Variants in ADAT2 observed in about 807,000 individuals in gnomAD.
The protein encoded by ADAT2 is adenosine deaminase tRNA specific 2.
In ADAT2, 26 loss-of-function variants were observed where a neutral mutation model predicts 25.9. The ratio of observed to expected loss-of-function variants is 1.00; its 90% CI spans 0.74 to 1.39. ADAT2 has a LOEUF of 1.39. Among genes scored for constraint, ADAT2 ranks in the 40% most tolerant of loss-of-function variants. The pLI is 0.00. For missense variants in ADAT2, 220 were observed against 244.8 expected, an observed-to-expected ratio of 0.90 and a Z score of 0.68; for synonymous variants, 76 against 86.8, an observed-to-expected ratio of 0.88 and a Z score of 0.69.
At position 143,446,184 on chromosome 6, in the gene ADAT2, T is replaced by C. The variant is rs1779594973; in HGVS notation, c.96+4379A>G. Among the ~76,000 whole-genome samples, 1 of 152,028 alleles carries C rather than the reference T, an allele frequency of 6.6e-6. No homozygotes were observed. The highest frequency in any genetic ancestry group is 1.5e-5 in the Non-Finnish European group (1 of 67,992). On this transcript the variant is annotated intron_variant, in intron 1 of 5. Coordinates refer to ENST00000237283, the MANE Select transcript of ADAT2 (RefSeq NM_182503.3). The surrounding 1 kb of genome is among the most constrained non-coding windows in gnomAD (Gnocchi z 5.0). The stretch of plus-strand genomic sequence containing the variant: ...TTTTTTCCTATGCCCTGCATACACA[T>C]ATTTACAGTTTTTAAAAAGTCAAAT...
Position 143,442,031 on chromosome 6 carries a change from C to T in ADAT2, c.97-3337G>A, listed in dbSNP as rs986970786. ...GCTAAACATGCATTTAACTTATGACCCAACAATTCCACTCTTGGGCATTTA... is the reference window on the plus strand; with the variant it reads ...GCTAAACATGCATTTAACTTATGACTCAACAATTCCACTCTTGGGCATTTA... On this transcript the variant is annotated intron_variant, in intron 1 of 5. Transcript: ENST00000237283. This position sits in a 1 kb window ranked among gnomAD's most constrained non-coding sequence, Gnocchi z 4.6. 1 of 152,158 alleles carries T rather than the reference C, an allele frequency of 6.6e-6. No individual in the cohort carries two copies. Among genetic ancestry groups the T allele is most frequent in the Admixed American group, 6.5e-5 (1 of 15,276 alleles). The allele number at this position is 152,158 out of a possible 1,614,324, so 9.4% of individuals were successfully genotyped here. A position where few individuals can be genotyped will look rare whatever the true frequency, so the allele number is the denominator to read the frequency against.
intron 1 of ADAT2, 86 bp downstream of exon 1, chr6:143,450,477 G>A: frequency 7.0e-7 from 1 of 1,428,928 alleles, no homozygotes; most frequent in Non-Finnish European, 9.8e-7. Context: ...ATGGTGACGA[G>A]AAAGAACGTT....
rs375302519 is a variant in ADAT2, at chr6:143,433,929, C to A, written c.254G>T (p.Arg85Leu). Residue 85 changes from arginine (R) to leucine (L), a missense_variant, in exon 3 of 6, where the codon CGT becomes CTT. Transcript: ENST00000237283. ...TTCAGAGGGACTCTTGCCACTTTGA[C>A]GACACCAATCGAGGACCTGATCGAT... ...VAIDQVLDWC[R>L]QSGKSPSEVF... 4 of 1,614,124 alleles carry A rather than the reference C, an allele frequency of 2.5e-6. No individual in the cohort carries two copies. Among genetic ancestry groups the A allele is most frequent in the South Asian group, 1.1e-5 (1 of 91,080 alleles).
At chr6:143,429,236 A>C (rs531067535) in intron 4 of ADAT2, among the ~76,000 whole-genome samples, 2 of 152,354 alleles carry the variant, frequency 1.3e-5, no homozygotes, top group South Asian at 4.1e-4. Flanking sequence ...TTTATATCTT[A>C]AAAGCTTTGT....
chr6:143,448,273 G>GGATAGC (rs1426472239), intron 1 of ADAT2, among the ~76,000 whole-genome samples: 2 of 151,890 alleles, frequency 1.3e-5, no homozygotes, highest in African/African-American at 4.8e-5. Context: ...GAGAGGGGAG[G>GGATAGC]GATAGCATTA....
At position 143,432,954 on chromosome 6, in the gene ADAT2, A is replaced by T. The variant is rs949859736; in HGVS notation, c.353-343T>A. 6.6e-6 allele frequency among the ~76,000 whole-genome samples: 1 copy of T among 152,162 alleles called. No homozygotes were observed. Among genetic ancestry groups the T allele is most frequent in the African/African-American group, 2.4e-5 (1 of 41,424 alleles). On this transcript the variant is annotated intron_variant, in intron 3 of 5. Coordinates refer to ENST00000237283, the MANE Select transcript of ADAT2 (RefSeq NM_182503.3). This position sits in a 1 kb window ranked among gnomAD's most constrained non-coding sequence, Gnocchi z 4.4. Reference sequence around the variant, plus strand: ...AAGGATGCAGAAATTTAATCCAGGGATTTTCACCTTTTAGAAATAAAAGAT... The same window carrying T: ...AAGGATGCAGAAATTTAATCCAGGGTTTTTCACCTTTTAGAAATAAAAGAT...
At position 143,444,951 on chromosome 6, in the gene ADAT2, G is replaced by A. The variant is rs760180581; in HGVS notation, c.96+5612C>T. 11 of 1,303,158 alleles carry A rather than the reference G, an allele frequency of 8.4e-6. No homozygotes were observed. In the South Asian group the frequency reaches 1.2e-4, roughly 15 times the overall value. The allele number at this position is 1,303,158 out of a possible 1,614,324, so 80.7% of individuals were successfully genotyped here. ...ACCTTGTTTGCACACAGTTTGATGA[G>A]TCCTTAAAGAAATATTTCCTATAAA... On this transcript the variant is annotated intron_variant, in intron 1 of 5. Coordinates refer to ENST00000237283, the MANE Select transcript of ADAT2 (RefSeq NM_182503.3). The surrounding 1 kb of genome is among the most constrained non-coding windows in gnomAD (Gnocchi z 4.3).
In ADAT2 at chr6:143,428,103, A is replaced by G. The variant is rs1348739878; in HGVS notation, c.*360T>C. 5 of 222,102 alleles carry G rather than the reference A, an allele frequency of 2.3e-5. No individual in the cohort carries two copies. The highest frequency in any genetic ancestry group is 4.5e-5 in the Non-Finnish European group (5 of 111,790). The allele number at this position is 222,102 out of a possible 1,614,324, so 13.8% of individuals were successfully genotyped here. A position where few individuals can be genotyped will look rare whatever the true frequency, so the allele number is the denominator to read the frequency against. ...TTCTCAGGGTGGCAAACTGCAGTCC[A>G]AACACACTCCAGGTCCCTGGGTCTG... On this transcript the variant is annotated 3_prime_UTR_variant, in exon 6 of 6. Coordinates refer to ENST00000237283, the MANE Select transcript of ADAT2 (RefSeq NM_182503.3). This position sits in a 1 kb window ranked among gnomAD's most constrained non-coding sequence, Gnocchi z 5.0.
intron 1 of ADAT2, among the ~76,000 whole-genome samples, chr6:143,448,065 C>T (rs1350807968): frequency 1.3e-5 from 2 of 152,030 alleles, no homozygotes; most frequent in African/African-American, 4.8e-5. Flanking sequence ...TACTATGCAG[C>T]CATAAAAAAG....
chr6:143,449,056 T>TTTTTTC (rs1025290426), intron 1 of ADAT2, among the ~76,000 whole-genome samples: 7 of 152,222 alleles, frequency 4.6e-5, no homozygotes, highest in Admixed American at 3.3e-4. Context: ...TTGTATCTTT[T>TTTTTTC]TCTTTTTTGA....
chr6:143,441,099 T>C (rs548512761), intron 1 of ADAT2, among the ~76,000 whole-genome samples: 12 of 152,338 alleles, frequency 7.9e-5, no homozygotes, highest in Admixed American at 3.9e-4. Context: ...GCCAAAACTT[T>C]GATTGGGGCT....
Position 143,442,047 on chromosome 6 carries a change from T to C in ADAT2, c.97-3353A>G, listed in dbSNP as rs1779472168. On this transcript the variant is annotated intron_variant, in intron 1 of 5. Transcript: ENST00000237283. The surrounding 1 kb of genome is among the most constrained non-coding windows in gnomAD (Gnocchi z 4.6). ...ACTTATGACCCAACAATTCCACTCT[T>C]GGGCATTTATCCCAGAGAAATGAAA... 6.6e-6 allele frequency: 1 copy of C among 152,238 alleles called. No individual in the cohort carries two copies. The highest frequency in any genetic ancestry group is 2.4e-5 in the African/African-American group (1 of 41,464). The allele number at this position is 152,238 out of a possible 1,614,324, so 9.4% of individuals were successfully genotyped here. A position where few individuals can be genotyped will look rare whatever the true frequency, so the allele number is the denominator to read the frequency against.
intron 4 of ADAT2, among the ~76,000 whole-genome samples, chr6:143,429,331 G>A (rs1779040284): frequency 6.6e-6 from 1 of 152,158 alleles, no homozygotes; most frequent in African/African-American, 2.4e-5. Flanking sequence ...TGCAGAAAAA[G>A]TTTATCAACC....
chr6:143,428,814 T>C lies in ADAT2; in HGVS notation c.460-130A>G, dbSNP rs1260980347. On this transcript the variant is annotated intron_variant, in intron 4 of 5. Coordinates refer to ENST00000237283, the MANE Select transcript of ADAT2 (RefSeq NM_182503.3). This position sits in a 1 kb window ranked among gnomAD's most constrained non-coding sequence, Gnocchi z 5.0. The stretch of plus-strand genomic sequence containing the variant: ...TGTTAATAAACTTTGGGGATATTAG[T>C]AACATGGGTAAGGAGGTACACTTCC... 1.2e-6 allele frequency: 1 copy of C among 814,314 alleles called. No homozygotes were observed. Among genetic ancestry groups the C allele is most frequent in the East Asian group, 2.7e-5 (1 of 37,312 alleles). 50.4% of individuals were successfully genotyped at this position (814,314 alleles called of 1,614,324 possible).
At chr6:143,438,172 A>C (rs910291938) in intron 2 of ADAT2, among the ~76,000 whole-genome samples, 6 of 152,208 alleles carry the variant, frequency 3.9e-5, no homozygotes, top group Non-Finnish European at 8.8e-5. Flanking sequence ...GGTACTAAAA[A>C]AGGAATGTAT....
At position 143,432,575 on chromosome 6, in the gene ADAT2, C is replaced by T. The variant is rs532452116; in HGVS notation, c.389G>A (p.Arg130Gln). Residue 130 changes from arginine (R) to glutamine (Q), a missense_variant, in exon 4 of 6, where the codon CGA becomes CAA. By Grantham distance (43) the Arg-to-Gln change is conservative. Transcript: ENST00000237283. This position sits in a 1 kb window ranked among gnomAD's most constrained non-coding sequence, Gnocchi z 4.4. ...TAGAACAGAGCCACAACCACCAAAT[C>T]GTTCATTCTGACAGCCATATACAAC... is the stretch of plus-strand genomic sequence containing the variant. ...PLVVYGCQNE[R>Q]FGGCGSVLNI... The T allele has an allele frequency of 3.7e-6, 6 of 1,614,190 alleles. No individual in the cohort carries two copies. In the East Asian group the frequency reaches 8.9e-5, roughly 24 times the overall value.
In ADAT2 at chr6:143,424,701, T is replaced by G. The variant is rs1444185362; in HGVS notation, c.*3762A>C. ...TATTTCTCAGGCTTAATTTTGATGCTTATTAAGATATCACTATTTAAAACA... is the reference window on the plus strand; with the variant it reads ...TATTTCTCAGGCTTAATTTTGATGCGTATTAAGATATCACTATTTAAAACA... On this transcript the variant is annotated 3_prime_UTR_variant, in exon 6 of 6. Coordinates refer to ENST00000237283, the MANE Select transcript of ADAT2 (RefSeq NM_182503.3). This position sits in a 1 kb window ranked among gnomAD's most constrained non-coding sequence, Gnocchi z 4.8. 3.3e-5 allele frequency: 5 copies of G among 152,242 alleles called. No individual in the cohort carries two copies. The highest frequency in any genetic ancestry group is 5.9e-5 in the Non-Finnish European group (4 of 68,048). The allele number at this position is 152,242 out of a possible 1,614,324, so 9.4% of individuals were successfully genotyped here.
In ADAT2 at chr6:143,436,605, C is replaced by T. The variant is rs751957456; in HGVS notation, c.201+1985G>A. 9 of 404,446 alleles carry T rather than the reference C, an allele frequency of 2.2e-5. No individual in the cohort carries two copies. Among genetic ancestry groups the T allele is most frequent in the Non-Finnish European group, 3.5e-5 (7 of 199,334 alleles). 25.1% of individuals were successfully genotyped at this position (404,446 alleles called of 1,614,324 possible). On this transcript the variant is annotated intron_variant, in intron 2 of 5. Coordinates refer to ENST00000237283, the MANE Select transcript of ADAT2 (RefSeq NM_182503.3). The surrounding 1 kb of genome is among the most constrained non-coding windows in gnomAD (Gnocchi z 4.1). Reference sequence around the variant, plus strand: ...AGAATGAGATGGAATTCACTGGGGCCGAGAGCAACATGAATGACCTGGTAT... The same window carrying T: ...AGAATGAGATGGAATTCACTGGGGCTGAGAGCAACATGAATGACCTGGTAT...
rs894504889 is a variant in ADAT2 at position 143,423,417 on chromosome 6, C to A, written c.*5046G>T. 1.3e-5 allele frequency: 2 copies of A among 152,140 alleles called. No individual in the cohort carries two copies. The highest frequency in any genetic ancestry group is 3.9e-4 in the East Asian group (2 of 5,192). The allele number at this position is 152,140 out of a possible 1,614,324, so 9.4% of individuals were successfully genotyped here. A position where few individuals can be genotyped will look rare whatever the true frequency, so the allele number is the denominator to read the frequency against. On this transcript the variant is annotated 3_prime_UTR_variant, in exon 6 of 6. Coordinates refer to ENST00000237283, the MANE Select transcript of ADAT2 (RefSeq NM_182503.3). ...TTTAAGTCATGAGTGGTACCGAAAC[C>A]GGCAGCGGGCTGGATATGGCCCATG...
Sources: allele counts gnomAD v4.1 joint callset (sites outside exome capture counted in the v4.1 genomes callset), GRCh38; gene constraint gnomAD v4.1.1; non-coding constraint Gnocchi (gnomAD v3.1); transcripts MANE v1.5; gene names NCBI Gene and HGNC (gene_info 2026-07-23, HGNC 2026-07-21).